The following NRG3 variants were observed in gnomAD, a reference collection of about 807,000 sequenced individuals.
NRG3 encodes pro-neuregulin-3, membrane-bound isoform.
In NRG3, 31 loss-of-function variants were observed where a neutral mutation model predicts 66.9. That is an observed-to-expected ratio of 0.46 (90% confidence interval 0.35 to 0.63). The LOEUF (loss-of-function observed/expected upper bound fraction) is 0.63, where lower values mean the gene tolerates loss of function less well. Ranked by LOEUF, NRG3 falls within the 20% of genes least tolerant of loss-of-function variation. The pLI is 0.00. For missense variants in NRG3, 910 were observed against 878.9 expected (o/e 1.04, Z -0.45); for synonymous variants, 393 against 359.4 (o/e 1.09, Z -1.06).
chr10:82,617,508 T>C (rs980033970), intron 2 of NRG3, among the ~76,000 whole-genome samples: 5 of 152,198 alleles, frequency 3.3e-5, no homozygotes, highest in African/African-American at 1.2e-4. Context: ...CACCGGGCTC[T>C]GACATAAATG....
intron 1 of NRG3, among the ~76,000 whole-genome samples, chr10:82,033,092 G>GA (rs1157284429): frequency 1.3e-5 from 2 of 152,064 alleles, no homozygotes; most frequent in Admixed American, 6.6e-5. Flanking sequence ...TAGGAATATT[G>GA]AAAAAAATGT....
chr10:81,911,031 C>G (rs1845089905), intron 1 of NRG3, among the ~76,000 whole-genome samples: 1 of 152,092 alleles, frequency 6.6e-6, no homozygotes, highest in Non-Finnish European at 1.5e-5. Flanking sequence ...TGGAACTTAT[C>G]CTTGGAATAT....
intron 1 of NRG3, among the ~76,000 whole-genome samples, chr10:82,117,780 C>T (rs2067819447): frequency 6.6e-6 from 1 of 152,152 alleles, no homozygotes; most frequent in Non-Finnish European, 1.5e-5. Flanking sequence ...TATTAATATA[C>T]TCTGTCTCCT....
intron 1 of NRG3, among the ~76,000 whole-genome samples, chr10:82,191,632 C>G (rs1184544796): frequency 6.6e-6 from 1 of 152,078 alleles, no homozygotes; most frequent in Admixed American, 6.6e-5. Context: ...TGTATACCAC[C>G]AAGATGTAAC....
rs2135513280 is a variant in NRG3 at position 82,812,529 on chromosome 10, T to C, written c.1028-52882T>C. ...TACTGCTTCTATTAAACTGACATAA[T>C]TATAGTAAAATGTGGGTGAAATAAA... On this transcript the variant is annotated intron_variant, in intron 3 of 8. Transcript: ENST00000372141. 2.0e-5 allele frequency among the ~76,000 whole-genome samples: 3 copies of C among 150,812 alleles called. No individual in the cohort carries two copies. In the Middle Eastern group the frequency reaches 0.01, roughly 513 times the overall value.
intron 7 of NRG3, among the ~76,000 whole-genome samples, chr10:82,977,077 A>G (rs1301369679): frequency 6.6e-6 from 1 of 152,166 alleles, no homozygotes; most frequent in Non-Finnish European, 1.5e-5. Flanking sequence ...AAGTACCTCC[A>G]TCAGCATCAT....
At chr10:82,425,190 G>A (rs984142523) in intron 2 of NRG3, among the ~76,000 whole-genome samples, 2 of 152,048 alleles carry the variant, frequency 1.3e-5, no homozygotes, top group African/African-American at 2.4e-5. Context: ...GCCAGCTGGG[G>A]TTACAGTAGG....
At chr10:82,293,369 T>G (rs914618459) in intron 1 of NRG3, among the ~76,000 whole-genome samples, 8 of 152,176 alleles carry the variant, frequency 5.3e-5, no homozygotes, top group Non-Finnish European at 1.5e-5. Context: ...TCTAAAAACT[T>G]ATCTCTAGAG....
chr10:82,818,780 G>A (rs772972241), intron 3 of NRG3, among the ~76,000 whole-genome samples: 11 of 152,192 alleles, frequency 7.2e-5, no homozygotes, highest in African/African-American at 2.4e-4. Flanking sequence ...GTCTCCCAAC[G>A]CATCACACCT....
chr10:81,910,469 C>T (rs1589426663), intron 1 of NRG3, among the ~76,000 whole-genome samples: 1 of 152,134 alleles, frequency 6.6e-6, no homozygotes, highest in East Asian at 1.9e-4. Flanking sequence ...AAACAACATG[C>T]ATTAAATGTA....
chr10:82,518,623 A>G (rs1002263251), intron 2 of NRG3, among the ~76,000 whole-genome samples: 1 of 152,134 alleles, frequency 6.6e-6, no homozygotes. Context: ...CTAGGCTTGT[A>G]TTTTTATTAT....
At chr10:82,324,327 CT>C (rs1489286672) in intron 1 of NRG3, among the ~76,000 whole-genome samples, 3 of 152,084 alleles carry the variant, frequency 2.0e-5, no homozygotes, top group Non-Finnish European at 4.4e-5. Flanking sequence ...CCTCGTCACT[CT>C]TGATAGAATC....
intron 4 of NRG3, among the ~76,000 whole-genome samples, chr10:82,905,695 C>T (rs78098734): frequency 0.047 from 7,123 of 152,156 alleles, 209 homozygotes; most frequent in South Asian, 0.15. Context: ...TGCTAACCCC[C>T]GACCTCCCAT....
At chr10:81,996,436 T>C (rs532894670) in intron 1 of NRG3, among the ~76,000 whole-genome samples, 2 of 152,318 alleles carry the variant, frequency 1.3e-5, no homozygotes, top group East Asian at 3.9e-4. Flanking sequence ...AAGTTACTTA[T>C]TGGAGCATAT....
chr10:82,109,212 C>T (rs1303071190), intron 1 of NRG3, among the ~76,000 whole-genome samples: 5 of 152,122 alleles, frequency 3.3e-5, no homozygotes, highest in Non-Finnish European at 7.3e-5. Flanking sequence ...ATGAGTAGAA[C>T]ATGGGAGATT....
intron 1 of NRG3, among the ~76,000 whole-genome samples, chr10:82,127,011 G>A (rs576146756): frequency 6.6e-6 from 1 of 152,168 alleles, no homozygotes; most frequent in Non-Finnish European, 1.5e-5. Flanking sequence ...TCATGACTAT[G>A]GTGAGAAAGT....
At position 82,720,810 on chromosome 10, in the gene NRG3, CAT is replaced by C. The variant is rs5786567; in HGVS notation, c.954-17736_954-17735del. Among the ~76,000 whole-genome samples the C allele has an allele frequency of 8.2e-3, 938 of 114,712 alleles. 10 individuals are homozygous for C. Among genetic ancestry groups the C allele is most frequent in the South Asian group, 0.015 (58 of 3,826 alleles). 75.3% of individuals were successfully genotyped at this position (114,712 alleles called of 152,430 possible). A position where few individuals can be genotyped will look rare whatever the true frequency, so the allele number is the denominator to read the frequency against. On this transcript the variant is annotated intron_variant, in intron 2 of 8. Transcript: ENST00000372141. ...AACACATATATAGGAGTATTTTATA[CAT>C]ATATATATATATATATATATATATA... is the stretch of plus-strand genomic sequence containing the variant.
intron 2 of NRG3, among the ~76,000 whole-genome samples, chr10:82,450,451 G>T (rs1215675280): frequency 6.6e-6 from 1 of 152,066 alleles, no homozygotes; most frequent in Non-Finnish European, 1.5e-5. Flanking sequence ...GCTTCTCCTT[G>T]GTGGGAAAAC....
chr10:82,757,408 A>G (rs1012809325), intron 3 of NRG3, among the ~76,000 whole-genome samples: 1 of 152,124 alleles, frequency 6.6e-6, no homozygotes, highest in African/African-American at 2.4e-5. Flanking sequence ...GAGAATGATT[A>G]GATTGCTACT....
Sources: gnomAD v4.1 joint callset for allele counts (sites outside exome capture counted in the v4.1 genomes callset) on GRCh38, gnomAD v4.1.1 for gene constraint, MANE v1.5 for transcripts, NCBI Gene and HGNC (gene_info 2026-07-23, HGNC 2026-07-21) for gene names.